GIGYF1: variants seen among roughly 807,000 people sequenced by gnomAD.
GIGYF1 encodes the protein GRB10-interacting GYF protein 1.
Under a neutral mutation model 147.1 loss-of-function variants are expected in GIGYF1, and 84 were observed. The observed-to-expected ratio is 0.57, with a 90% CI of 0.48 to 0.68. The LOEUF is 0.68. Among genes scored for constraint, GIGYF1 ranks in the 30% least tolerant of loss-of-function variants. The pLI is 0.00. For synonymous variants in GIGYF1, 752 were observed against 589.5 expected (o/e 1.28, Z -3.99); for missense variants, 1,485 against 1,393.7 (o/e 1.07, Z -1.04).
At chr7:100,681,792 C>T (rs377578637) in intron 26 of GIGYF1, 21 bp from the exon 27 acceptor site, 25 of 1,591,204 alleles carry the variant, frequency 1.6e-5, no homozygotes, top group Admixed American at 7.0e-5. Context: ...GGAGAAGCTG[C>T]GTCTGAGCTC....
Position 100,684,495 on chromosome 7 carries a change from C to A in GIGYF1, c.1584G>T (p.Trp528Cys). 6.2e-7 allele frequency: 1 copy of A among 1,613,728 alleles called. No individual in the cohort carries two copies. Among genetic ancestry groups the A allele is most frequent in the Non-Finnish European group, 8.5e-7 (1 of 1,180,004 alleles). The change falls in exon 16 of 27, where the codon TGG becomes TGT. Residue 528 changes from tryptophan (W) to cysteine (C), a missense_variant. Transcript: ENST00000678049. The stretch of plus-strand genomic sequence containing the variant: ...GCCCTGGGGCAAAGGGCACGCGGCC[C>A]CACATCTTGATCACCTCGCCCAGCG... ...FQPLGEVIKM[W>C]GRVPFAPGPS...
chr7:100,682,582 A>AC lies in GIGYF1; in HGVS notation c.2600+7dup, dbSNP rs1479209429. 6 of 1,592,648 alleles carry AC rather than the reference A, an allele frequency of 3.8e-6. No homozygotes were observed. Among genetic ancestry groups the AC allele is most frequent in the Non-Finnish European group, 5.1e-6 (6 of 1,173,008 alleles). ...GGCCATCCCGGAGCCTCCAGGTGCC[A>AC]CGCCCACCTGAGAGATGGGCTGCTC... On this transcript the variant is annotated splice_region_variant and intron_variant, in intron 23 of 26. Transcript: ENST00000678049.
At chr7:100,693,272 TAA>T (rs1288821156) in intron 1 of GIGYF1, among the ~76,000 whole-genome samples, 1 of 146,376 alleles carries the variant, frequency 6.8e-6, no homozygotes, top group African/African-American at 2.6e-5. Context: ...GAGGGGCTTT[TAA>T]AAAGTTACTC....
intron 10 of GIGYF1, 62 bp from the exon 11 acceptor site, chr7:100,686,495 T>C (rs1805354711): frequency 1.3e-6 from 2 of 1,530,550 alleles, no homozygotes; most frequent in Admixed American, 2.0e-5. Context: ...CGGCCCCCTC[T>C]GCTGCAGCTC....
chr7:100,684,332 G>A lies in GIGYF1; in HGVS notation c.1635C>T (p.Asn545=), dbSNP rs771848451. Residue 545 remains asparagine, a synonymous_variant, in exon 17 of 27, where the codon AAC becomes AAT. Coordinates refer to ENST00000678049, the MANE Select transcript of GIGYF1 (RefSeq NM_001375765.1). ...PGPSPPPLLG[N]MDQERLKKQQ... ...GCTTCTTCAGCCGCTCCTGGTCCAT[G>A]TTTCCCTGCTCAGGTGAGAGCTCGG... 7 of 1,596,532 alleles carry A rather than the reference G, an allele frequency of 4.4e-6. No individual in the cohort carries two copies. In the Admixed American group the frequency reaches 5.2e-5, roughly 12 times the overall value.
chr7:100,683,322 C>T lies in GIGYF1; in HGVS notation c.2175G>A (p.Glu725=). The T allele has an allele frequency of 1.9e-6, 3 of 1,613,902 alleles. No individual in the cohort carries two copies. The highest frequency in any genetic ancestry group is 2.5e-6 in the Non-Finnish European group (3 of 1,180,042). ...CACCCACGTGCTTGCGCCGAAACAGCTCTTCCTCCTCCTGCCGCCGCTTCT... is the reference window on the plus strand; with the variant it reads ...CACCCACGTGCTTGCGCCGAAACAGTTCTTCCTCCTCCTGCCGCCGCTTCT... ...EEQKRRQEEE[E]LFRRKHVRQQ... is the part of the protein sequence containing the mutation. Residue 725 remains glutamate, a synonymous_variant, in exon 21 of 27, where the codon GAG becomes GAA. Coordinates refer to ENST00000678049, the MANE Select transcript of GIGYF1 (RefSeq NM_001375765.1).
chr7:100,684,989 G>C (rs544600809), intron 14 of GIGYF1, 60 bp downstream of exon 14: 1 of 1,560,408 alleles, frequency 6.4e-7, no homozygotes, highest in Non-Finnish European at 8.7e-7. Context: ...CCGGGGCTGG[G>C]GCCAAGCAGG....
At chr7:100,686,946 C>A in intron 9 of GIGYF1, 60 bp downstream of exon 9, 1 of 1,608,090 alleles carries the variant, frequency 6.2e-7, no homozygotes, top group Non-Finnish European at 8.5e-7. Context: ...CACCCCCAGA[C>A]TGGGCCACCC....
chr7:100,683,173 G>A lies in GIGYF1; in HGVS notation c.2251C>T (p.Pro751Ser), dbSNP rs745766057. 1.0e-5 allele frequency: 16 copies of A among 1,604,488 alleles called. 1 individual carries two copies. In the Admixed American group the frequency reaches 1.7e-4, roughly 17 times the overall value. Residue 751 changes from proline (P) to serine (S), a missense_variant, in exon 22 of 27, where the codon CCC (proline) becomes TCC (serine). Coordinates refer to ENST00000678049, the MANE Select transcript of GIGYF1 (RefSeq NM_001375765.1). Reference sequence around the variant, plus strand: ...GGGGGCGGGGAGCTGGGTGCGGGGGGCACAGGGACCGCCTGCTGCTGCTGT... The same window carrying A: ...GGGGGCGGGGAGCTGGGTGCGGGGGACACAGGGACCGCCTGCTGCTGCTGT... Reference protein sequence around the residue: ...LLQQQQAVPVPPAPSSPPPLW... With the variant: ...LLQQQQAVPVSPAPSSPPPLW...
Position 100,685,471 on chromosome 7 carries a change from C to T in GIGYF1, c.1065G>A (p.Glu355=). ...CCTCCTGAGGAGGCAGTGGGGTCAG[C>T]TCTTTCCCACCTAGAAGAGGGAGAT... ...EEEGPEAGGK[E]LTPLPPQEEK... is the part of the protein sequence containing the mutation. The change falls in exon 13 of 27, where the codon GAG becomes GAA. Residue 355 remains glutamate (E), a synonymous_variant. Transcript: ENST00000678049. The T allele has an allele frequency of 1.2e-6, 2 of 1,600,242 alleles. No individual in the cohort carries two copies. The highest frequency in any genetic ancestry group is 8.5e-7 in the Non-Finnish European group (1 of 1,176,744).
In GIGYF1 at chr7:100,681,779, C is replaced by A. The variant is rs116169359; in HGVS notation, c.3056-8G>T. ...ATCCGTGCAGGGAGTACCCTGAAGCCGGGGAGAAGCTGCGTCTGAGCTCTC... is the reference window on the plus strand; with the variant it reads ...ATCCGTGCAGGGAGTACCCTGAAGCAGGGGAGAAGCTGCGTCTGAGCTCTC... On this transcript the variant is annotated splice_region_variant and splice_polypyrimidine_tract_variant and intron_variant, in intron 26 of 26. Coordinates refer to ENST00000678049, the MANE Select transcript of GIGYF1 (RefSeq NM_001375765.1). 2,588 of 1,589,766 alleles carry A rather than the reference C, an allele frequency of 1.6e-3. 38 individuals are homozygous for A. The African/African-American group carries it at 0.031, about 19-fold the overall frequency.
chr7:100,688,696 GA>G lies in GIGYF1; in HGVS notation c.-240del, dbSNP rs1377971672. On this transcript the variant is annotated 5_prime_UTR_variant, in exon 2 of 27. Coordinates refer to ENST00000678049, the MANE Select transcript of GIGYF1 (RefSeq NM_001375765.1). ...TCTGACCTCAGTAGAGCCTGGGAGG[GA>G]CCTTCACATCTGGGAAAGACCCTTA... is the stretch of plus-strand genomic sequence containing the variant. The G allele has an allele frequency of 8.3e-6, 3 of 360,150 alleles. No homozygotes were observed. The Admixed American group carries it at 1.1e-4, about 13-fold the overall frequency. The allele number at this position is 360,150 out of a possible 1,614,324, so 22.3% of individuals were successfully genotyped here.
At position 100,680,489 on chromosome 7, in the gene GIGYF1, ACTT is replaced by A. The variant is rs1356636629; in HGVS notation, c.*1227_*1229del. On this transcript the variant is annotated 3_prime_UTR_variant, in exon 27 of 27. Transcript: ENST00000678049. ...GCCTCCTCTGACCCAGGAGCCGCAC[ACTT>A]CTCTTCACCCCAACCTTACCCAACG... The A allele has an allele frequency of 6.6e-6, 1 of 152,560 alleles. No homozygotes were observed. The highest frequency in any genetic ancestry group is 1.5e-5 in the Non-Finnish European group (1 of 68,034). 9.5% of individuals were successfully genotyped at this position (152,560 alleles called of 1,614,324 possible).
In GIGYF1 at chr7:100,681,412, A is replaced by C; in HGVS notation, c.*307T>G. ...ACCTCTGTGGACCTTCCATTGTCAC[A>C]CCCACTATCCTCACAGCAGGAAGGG... On this transcript the variant is annotated 3_prime_UTR_variant, in exon 27 of 27. Coordinates refer to ENST00000678049, the MANE Select transcript of GIGYF1 (RefSeq NM_001375765.1). 1 of 295,878 alleles carries C rather than the reference A, an allele frequency of 3.4e-6. No homozygotes were observed. The highest frequency in any genetic ancestry group is 6.1e-6 in the Non-Finnish European group (1 of 163,356). 18.3% of individuals were successfully genotyped at this position (295,878 alleles called of 1,614,324 possible).
At position 100,681,667 on chromosome 7, in the gene GIGYF1, C is replaced by T. The variant is rs2062714479; in HGVS notation, c.*52G>A. Reference sequence around the variant, plus strand: ...CCTGCAGGCTGGGACCCTCGGTCCACGCCGCTGTGGCTGCCCTGGCCTACA... The same window carrying T: ...CCTGCAGGCTGGGACCCTCGGTCCATGCCGCTGTGGCTGCCCTGGCCTACA... On this transcript the variant is annotated 3_prime_UTR_variant, in exon 27 of 27. Coordinates refer to ENST00000678049, the MANE Select transcript of GIGYF1 (RefSeq NM_001375765.1). 12 of 1,499,572 alleles carry T rather than the reference C, an allele frequency of 8.0e-6. No individual in the cohort carries two copies. Among genetic ancestry groups the T allele is most frequent in the African/African-American group, 1.4e-5 (1 of 71,410 alleles). 92.9% of individuals were successfully genotyped at this position (1,499,572 alleles called of 1,614,324 possible).
At chr7:100,689,996 G>A (rs1266121995) in intron 1 of GIGYF1, among the ~76,000 whole-genome samples, 1 of 152,216 alleles carries the variant, frequency 6.6e-6, no homozygotes, top group Non-Finnish European at 1.5e-5. Flanking sequence ...AGCTGTTGCT[G>A]AAGGGTCCAG....
Position 100,685,602 on chromosome 7 carries a change from T to A in GIGYF1, c.1055-121A>T, listed in dbSNP as rs1054036837. The A allele has an allele frequency of 6.4e-6, 7 of 1,094,818 alleles. No homozygotes were observed. The African/African-American group carries it at 1.1e-4, about 17-fold the overall frequency. 67.8% of individuals were successfully genotyped at this position (1,094,818 alleles called of 1,614,324 possible). ...ACTCCCTTAGGCCGAGTCCACCACT[T>A]CACTTGGGTCAACTCAACTAATGGC... On this transcript the variant is annotated intron_variant, in intron 12 of 26. Transcript: ENST00000678049.
intron 1 of GIGYF1, among the ~76,000 whole-genome samples, chr7:100,691,739 G>A (rs1439337703): frequency 1.3e-5 from 2 of 151,852 alleles, no homozygotes; most frequent in African/African-American, 2.4e-5. Context: ...GCCTACTTCG[G>A]CTCCTCGCCC....
At position 100,687,397 on chromosome 7, in the gene GIGYF1, C is replaced by T. The variant is rs139736446; in HGVS notation, c.383G>A (p.Arg128His). The T allele has an allele frequency of 1.7e-5, 28 of 1,613,278 alleles. No homozygotes were observed. Among genetic ancestry groups the T allele is most frequent in the East Asian group, 4.5e-5 (2 of 44,892 alleles). Residue 128 changes from arginine to histidine, a missense_variant, in exon 8 of 27, where the codon CGT becomes CAT. Arg to His is a conservative substitution (Grantham distance 29). Transcript: ENST00000678049. ...RGSTRSRGRG[R>H]GDSCFYQRSI... ...TCTTTGGTAAAAGCAGCTGTCACCA[C>T]GGCCGCGGCCTAGAGAAGAGGCCAG...
Sources: gnomAD v4.1 joint callset for allele counts (sites outside exome capture counted in the v4.1 genomes callset) on GRCh38, gnomAD v4.1.1 for gene constraint, MANE v1.5 for transcripts, NCBI Gene and HGNC (gene_info 2026-07-23, HGNC 2026-07-21) for gene names.